Variants in PLCB1 observed in about 807,000 individuals in gnomAD.
The protein encoded by PLCB1 is 1-phosphatidylinositol 4,5-bisphosphate phosphodiesterase beta-1.
Under a neutral mutation model 161.8 loss-of-function variants are expected in PLCB1, and 46 were observed. The ratio of observed to expected loss-of-function variants is 0.28; its 90% CI spans 0.22 to 0.36. PLCB1 has a LOEUF of 0.36. Ranked by LOEUF, PLCB1 falls within the 10% of genes least tolerant of loss-of-function variation. The probability of loss-of-function intolerance (pLI) is 1.00; values close to 1 mark genes in which losing one functional copy is unlikely to be tolerated. For missense variants in PLCB1, 1,016 were observed against 1,472.5 expected (o/e 0.69, Z 5.07); for synonymous variants, 517 against 503.7 (o/e 1.03, Z -0.35).
intron 31 of PLCB1, among the ~76,000 whole-genome samples, chr20:8,791,686 T>C (rs1399958997): frequency 6.6e-6 from 1 of 152,184 alleles, no homozygotes. Context: ...ATGTTAACTA[T>C]TTTACTTACA....
intron 2 of PLCB1, among the ~76,000 whole-genome samples, chr20:8,183,271 A>T (rs2051866660): frequency 6.6e-6 from 1 of 152,220 alleles, no homozygotes; most frequent in Non-Finnish European, 1.5e-5. Flanking sequence ...TTTTAACATC[A>T]TTAAGTGGCA....
At chr20:8,182,136 A>G (rs2051850660) in intron 2 of PLCB1, among the ~76,000 whole-genome samples, 1 of 152,194 alleles carries the variant, frequency 6.6e-6, no homozygotes, top group East Asian at 1.9e-4. Flanking sequence ...ACACAGATCA[A>G]AAGTTTTTCA....
intron 4 of PLCB1, chr20:8,628,759 T>A (rs113247269): frequency 0.14 from 27,407 of 196,210 alleles, 1,973 homozygotes; most frequent in Middle Eastern, 0.21. Flanking sequence ...ACATGGTGAA[T>A]CCCTGTCTCT....
At chr20:8,502,347 G>C (rs898167666) in intron 3 of PLCB1, among the ~76,000 whole-genome samples, 1 of 152,016 alleles carries the variant, frequency 6.6e-6, no homozygotes, top group Non-Finnish European at 1.5e-5. Context: ...GGTATTAATA[G>C]CCATATAATT....
intron 31 of PLCB1, among the ~76,000 whole-genome samples, chr20:8,817,520 C>A (rs1448477500): frequency 6.6e-6 from 1 of 152,144 alleles, no homozygotes; most frequent in Non-Finnish European, 1.5e-5. Flanking sequence ...AAAGAAATGA[C>A]CCACGCTTAG....
chr20:8,636,096 G>T (rs904801102), intron 4 of PLCB1, among the ~76,000 whole-genome samples: 1 of 152,184 alleles, frequency 6.6e-6, no homozygotes, highest in East Asian at 1.9e-4. Flanking sequence ...AAAAAGAAAA[G>T]GTGGTGCCAT....
intron 3 of PLCB1, among the ~76,000 whole-genome samples, chr20:8,402,594 G>A (rs922666059): frequency 6.6e-6 from 1 of 151,844 alleles, no homozygotes; most frequent in African/African-American, 2.4e-5. Context: ...CAGCACTTTG[G>A]GAGGCCGAGG....
At chr20:8,317,290 A>T (rs745353819) in intron 2 of PLCB1, among the ~76,000 whole-genome samples, 1 of 152,136 alleles carries the variant, frequency 6.6e-6, no homozygotes, top group Non-Finnish European at 1.5e-5. Context: ...GGCCTCTTAA[A>T]ACACAGATTA....
chr20:8,159,252 G>A (rs1265983951), intron 2 of PLCB1, among the ~76,000 whole-genome samples: 1 of 152,164 alleles, frequency 6.6e-6, no homozygotes, highest in Non-Finnish European at 1.5e-5. Flanking sequence ...AACACCATGT[G>A]GAAGCTGTCA....
chr20:8,262,711 A>G (rs1981766799), intron 2 of PLCB1, among the ~76,000 whole-genome samples: 1 of 152,200 alleles, frequency 6.6e-6, no homozygotes, highest in African/African-American at 2.4e-5. Context: ...AACAACAGAC[A>G]GTTATTTCTC....
chr20:8,321,665 C>T (rs1984925791), intron 2 of PLCB1, among the ~76,000 whole-genome samples: 1 of 152,160 alleles, frequency 6.6e-6, no homozygotes, highest in Non-Finnish European at 1.5e-5. Context: ...CAACAACAAA[C>T]TTAGACTGGC....
At chr20:8,855,296 G>T (rs1987032734) in intron 31 of PLCB1, among the ~76,000 whole-genome samples, 1 of 152,088 alleles carries the variant, frequency 6.6e-6, no homozygotes, top group African/African-American at 2.4e-5. Flanking sequence ...GAGTTGTGCT[G>T]TTAGGTCAGA....
intron 3 of PLCB1, among the ~76,000 whole-genome samples, chr20:8,556,870 T>C (rs995799793): frequency 6.6e-6 from 1 of 151,056 alleles, no homozygotes; most frequent in Admixed American, 6.6e-5. Flanking sequence ...TAAATGGAAA[T>C]AAACACATGA....
chr20:8,637,557 T>G (rs1330151098), intron 4 of PLCB1, among the ~76,000 whole-genome samples: 1 of 152,116 alleles, frequency 6.6e-6, no homozygotes, highest in Non-Finnish European at 1.5e-5. Context: ...AAAGTTAAAG[T>G]AGAAGGGTGG....
intron 5 of PLCB1, 40 bp downstream of exon 5, chr20:8,646,221 T>A: frequency 7.7e-7 from 1 of 1,300,926 alleles, no homozygotes; most frequent in Non-Finnish European, 1.1e-6. Flanking sequence ...CGTTGCTTCT[T>A]CTGAGTCAGT....
At chr20:8,663,798 C>T (rs1054650684) in intron 9 of PLCB1, among the ~76,000 whole-genome samples, 1 of 152,080 alleles carries the variant, frequency 6.6e-6, no homozygotes, top group East Asian at 1.9e-4. Context: ...CTTGTTTGCA[C>T]TGTAGACTTA....
intron 31 of PLCB1, among the ~76,000 whole-genome samples, chr20:8,799,782 A>G (rs1189185755): frequency 6.6e-6 from 1 of 152,188 alleles, no homozygotes; most frequent in Non-Finnish European, 1.5e-5. Flanking sequence ...GGTCCTTTAT[A>G]TAACATTGTA....
At chr20:8,172,748 A>G (rs2051745380) in intron 2 of PLCB1, among the ~76,000 whole-genome samples, 1 of 152,290 alleles carries the variant, frequency 6.6e-6, no homozygotes, top group Admixed American at 6.5e-5. Flanking sequence ...ACAACTATAC[A>G]TCCCAGACAT....
At position 8,881,328 on chromosome 20, in the gene PLCB1, CGTGT is replaced by C. The variant is rs3222517; in HGVS notation, c.3424-266_3424-263del. ...ACTCTGACACCTTTTTCAAAAGACC[CGTGT>C]GTGTGTGTGTGTGTGTGTGTGTGTG... On this transcript the variant is annotated intron_variant, in intron 31 of 31. Transcript: ENST00000338037. 0.2 allele frequency among the ~76,000 whole-genome samples: 26,165 copies of C among 128,792 alleles called. 2,319 individuals carry two copies. Among genetic ancestry groups the C allele is most frequent in the South Asian group, 0.31 (1,290 of 4,198 alleles). The allele number at this position is 128,792 out of a possible 152,430, so 84.5% of individuals were successfully genotyped here. A position where few individuals can be genotyped will look rare whatever the true frequency, so the allele number is the denominator to read the frequency against.
Sources: gnomAD v4.1 joint callset for allele counts (sites outside exome capture counted in the v4.1 genomes callset) on GRCh38, gnomAD v4.1.1 for gene constraint, MANE v1.5 for transcripts, NCBI Gene and HGNC (gene_info 2026-07-23, HGNC 2026-07-21) for gene names.